The following CNTNAP2 variants were observed in gnomAD, a reference collection of about 807,000 sequenced individuals.
CNTNAP2 encodes the protein contactin associated protein 2.
Under a neutral mutation model 155.2 loss-of-function variants are expected in CNTNAP2, and 98 were observed. That is an observed-to-expected ratio of 0.63 (90% confidence interval 0.54 to 0.75). CNTNAP2 has a LOEUF of 0.75. CNTNAP2 is among the 30% of genes least tolerant of loss of function. CNTNAP2 has a pLI of 0.00. For missense variants in CNTNAP2, 1,727 were observed against 1,688.1 expected (o/e 1.02, Z -0.40); for synonymous variants, 651 against 631.2 (o/e 1.03, Z -0.47).
intron 13 of CNTNAP2, among the ~76,000 whole-genome samples, chr7:147,733,456 T>A (rs537018102): frequency 6.6e-6 from 1 of 152,328 alleles, no homozygotes; most frequent in East Asian, 1.9e-4. Context: ...GGTAGCATGA[T>A]GCCTCCAGCT....
chr7:147,680,807 A>G (rs1202037996), intron 13 of CNTNAP2, among the ~76,000 whole-genome samples: 1 of 151,616 alleles, frequency 6.6e-6, no homozygotes, highest in African/African-American at 2.4e-5. Flanking sequence ...ATTATAATAA[A>G]TAGTATGTAT....
chr7:146,575,028 G>T (rs1798502102), intron 1 of CNTNAP2, among the ~76,000 whole-genome samples: 1 of 152,016 alleles, frequency 6.6e-6, no homozygotes, highest in African/African-American at 2.4e-5. Context: ...GATAAGTTTT[G>T]ACAAAAGGCT....
At chr7:147,468,458 A>G (rs915678492) in intron 10 of CNTNAP2, among the ~76,000 whole-genome samples, 1 of 152,192 alleles carries the variant, frequency 6.6e-6, no homozygotes, top group African/African-American at 2.4e-5. Flanking sequence ...TGTTGTATCT[A>G]TATATAAAGC....
intron 1 of CNTNAP2, among the ~76,000 whole-genome samples, chr7:146,404,824 A>G (rs1200641371): frequency 1.3e-5 from 2 of 151,802 alleles, no homozygotes; most frequent in Non-Finnish European, 2.9e-5. Context: ...TACTTAGCTA[A>G]TTTTTATTCA....
chr7:147,330,061 C>G (rs761362961), intron 9 of CNTNAP2, among the ~76,000 whole-genome samples: 1 of 152,100 alleles, frequency 6.6e-6, no homozygotes, highest in Non-Finnish European at 1.5e-5. Context: ...TCACATCCAA[C>G]TTAGGGCGAA....
intron 1 of CNTNAP2, among the ~76,000 whole-genome samples, chr7:146,251,231 T>C (rs1186192662): frequency 6.6e-6 from 1 of 152,198 alleles, no homozygotes; most frequent in African/African-American, 2.4e-5. Flanking sequence ...ATTACCCTGA[T>C]TCATTGAAAC....
At chr7:146,985,868 G>T (rs937621628) in intron 3 of CNTNAP2, among the ~76,000 whole-genome samples, 1 of 151,766 alleles carries the variant, frequency 6.6e-6, no homozygotes, top group African/African-American at 2.4e-5. Context: ...CCAAACCCTG[G>T]CATTCAATTT....
intron 3 of CNTNAP2, among the ~76,000 whole-genome samples, chr7:146,997,200 G>A (rs1307666145): frequency 1.3e-5 from 2 of 152,106 alleles, no homozygotes; most frequent in African/African-American, 4.8e-5. Flanking sequence ...TAATATGTTA[G>A]TTGTGGGATT....
In CNTNAP2 at chr7:147,571,172, A is replaced by C. The variant is rs183225140; in HGVS notation, c.1897+8915A>C. On this transcript the variant is annotated intron_variant, in intron 12 of 23. Coordinates refer to ENST00000361727, the MANE Select transcript of CNTNAP2 (RefSeq NM_014141.6). ...TTTAGGGTACATGTGCACAATGTGC[A>C]GGTTAGTTACATATGTATACATGTG... Among the ~76,000 whole-genome samples the C allele has an allele frequency of 4.4e-3, 667 of 151,754 alleles. 10 individuals are homozygous for C. Among genetic ancestry groups the C allele is most frequent in the African/African-American group, 0.015 (625 of 41,432 alleles).
chr7:146,348,128 C>T (rs552640250), intron 1 of CNTNAP2, among the ~76,000 whole-genome samples: 1 of 152,172 alleles, frequency 6.6e-6, no homozygotes, highest in Non-Finnish European at 1.5e-5. Context: ...TTAATAAATA[C>T]GAAGCCACAG....
intron 13 of CNTNAP2, among the ~76,000 whole-genome samples, chr7:147,683,854 A>G (rs1179936933): frequency 6.6e-6 from 1 of 150,722 alleles, no homozygotes; most frequent in Admixed American, 6.7e-5. Flanking sequence ...GCCAAAATCT[A>G]GGGCACTTGG....
At chr7:147,064,448 C>T (rs973045655) in intron 4 of CNTNAP2, among the ~76,000 whole-genome samples, 2 of 152,148 alleles carry the variant, frequency 1.3e-5, no homozygotes, top group African/African-American at 4.8e-5. Context: ...GGTAGCATCT[C>T]ACCTGCTAAA....
At chr7:146,910,323 C>T (rs1219638158) in intron 3 of CNTNAP2, among the ~76,000 whole-genome samples, 1 of 150,006 alleles carries the variant, frequency 6.7e-6, no homozygotes, top group Non-Finnish European at 1.5e-5. Flanking sequence ...TCATATGGTA[C>T]CAAAAAAGAG....
chr7:147,097,649 G>A (rs576197981), intron 4 of CNTNAP2: 5 of 152,274 alleles, frequency 3.3e-5, no homozygotes, highest in South Asian at 2.1e-4. Context: ...CACAACACGT[G>A]GGAATTATGG....
chr7:147,365,258 G>A (rs915683119), intron 9 of CNTNAP2, among the ~76,000 whole-genome samples: 7 of 151,718 alleles, frequency 4.6e-5, no homozygotes, highest in African/African-American at 7.3e-5. Flanking sequence ...ACAGAAATTA[G>A]CCAGGTGTGG....
chr7:148,062,435 A>G (rs1396645223), intron 15 of CNTNAP2, among the ~76,000 whole-genome samples: 1 of 152,284 alleles, frequency 6.6e-6, no homozygotes, highest in East Asian at 1.9e-4. Flanking sequence ...GATAACTCAA[A>G]TATCATAGAA....
intron 8 of CNTNAP2, among the ~76,000 whole-genome samples, chr7:147,249,755 A>C (rs960993602): frequency 6.6e-6 from 1 of 152,108 alleles, no homozygotes; most frequent in Non-Finnish European, 1.5e-5. Context: ...TAATTGATTG[A>C]GTCCAGTTGT....
chr7:146,857,932 A>G (rs1036818947), intron 3 of CNTNAP2, among the ~76,000 whole-genome samples: 31 of 151,130 alleles, frequency 2.1e-4, no homozygotes, highest in Non-Finnish European at 1.5e-5. Context: ...CTGAAAGTCA[A>G]TAAAACTGTG....
chr7:146,997,251 C>A (rs996006332), intron 3 of CNTNAP2, among the ~76,000 whole-genome samples: 3 of 151,984 alleles, frequency 2.0e-5, no homozygotes, highest in Admixed American at 2.0e-4. Flanking sequence ...TTTGTCTATA[C>A]CTAATTCATG....
Sources: gnomAD v4.1 joint callset for allele counts (sites outside exome capture counted in the v4.1 genomes callset) on GRCh38, gnomAD v4.1.1 for gene constraint, MANE v1.5 for transcripts, NCBI Gene and HGNC (gene_info 2026-07-23, HGNC 2026-07-21) for gene names.